The following ADORA2B variants were observed in gnomAD, a reference collection of about 807,000 sequenced individuals.
ADORA2B encodes the protein adenosine receptor A2b.
ADORA2B carries 18 observed loss-of-function variants against 20.8 expected under a neutral mutation model. The ratio of observed to expected loss-of-function variants is 0.87; its 90% CI spans 0.60 to 1.29. The LOEUF (loss-of-function observed/expected upper bound fraction) is 1.29, where lower values mean the gene tolerates loss of function less well. ADORA2B is among the 50% of genes most tolerant of loss of function. The probability of loss-of-function intolerance (pLI) is 0.00; values close to 1 mark genes in which losing one functional copy is unlikely to be tolerated. For missense variants in ADORA2B, 441 were observed against 422.7 expected (o/e 1.04, Z -0.38); for synonymous variants, 179 against 178.3 (o/e 1.00, Z -0.03).
intron 1 of ADORA2B, among the ~76,000 whole-genome samples, chr17:15,961,251 G>T (rs1310692017): frequency 5.9e-5 from 9 of 151,528 alleles, no homozygotes; most frequent in Non-Finnish European, 1.3e-4. Flanking sequence ...ACTTCAGCCT[G>T]GGCAACAGAG....
At chr17:15,958,973 G>T (rs1382526488) in intron 1 of ADORA2B, among the ~76,000 whole-genome samples, 6 of 152,150 alleles carry the variant, frequency 3.9e-5, no homozygotes, top group Non-Finnish European at 8.8e-5. Flanking sequence ...CAGTATACAT[G>T]TGCATGCAAA....
chr17:15,940,873 G>A (rs1482193267), upstream of ADORA2B, among the ~76,000 whole-genome samples: 1 of 152,232 alleles, frequency 6.6e-6, no homozygotes, highest in Non-Finnish European at 1.5e-5. Flanking sequence ...GAGGTTGCAT[G>A]AGCAAGCAAT....
At chr17:15,855,562 C>T in the ADORA2B span, among the ~76,000 whole-genome samples, 5 of 151,354 alleles carry the variant, frequency 3.3e-5, no homozygotes, top group South Asian at 1.1e-3. Flanking sequence ...ATCACTCTCA[C>T]CTGCATTCTG....
At chr17:15,909,152 C>T in the ADORA2B span, among the ~76,000 whole-genome samples, 1 of 151,900 alleles carries the variant, frequency 6.6e-6, no homozygotes, top group Admixed American at 6.6e-5. Context: ...CAAGCCACTG[C>T]ACTCCAGCCT....
intron 1 of ADORA2B, among the ~76,000 whole-genome samples, chr17:15,954,697 G>T (rs958139120): frequency 3.3e-5 from 5 of 152,206 alleles, no homozygotes; most frequent in African/African-American, 1.2e-4. Flanking sequence ...AGCCCAGGAG[G>T]TTGAGGCTGC....
the ADORA2B span, among the ~76,000 whole-genome samples, chr17:15,939,276 TG>T: frequency 1.3e-5 from 2 of 152,000 alleles, no homozygotes; most frequent in African/African-American, 4.8e-5. Context: ...CTCCTGACCT[TG>T]TGATCCTCCC....
the ADORA2B span, chr17:15,850,731 T>G: frequency 1.8e-5 from 3 of 164,054 alleles, no homozygotes; most frequent in Non-Finnish European, 4.4e-5. Context: ...CTAGATGTTT[T>G]TCTTTATACA....
chr17:15,921,089 C>A, the ADORA2B span, among the ~76,000 whole-genome samples: 23 of 152,224 alleles, frequency 1.5e-4, no homozygotes, highest in Admixed American at 1.5e-3. Context: ...CAGTGGGGCA[C>A]CCGTGTGAGT....
the ADORA2B span, among the ~76,000 whole-genome samples, chr17:15,903,740 G>A: frequency 6.6e-6 from 1 of 152,154 alleles, no homozygotes; most frequent in African/African-American, 2.4e-5. Context: ...GGTGGTTTTA[G>A]TTGTGAAAAG....
At chr17:15,971,629 A>ATT (rs34445090) in intron 1 of ADORA2B, among the ~76,000 whole-genome samples, 2,837 of 127,904 alleles carry the variant, frequency 0.022, 140 homozygotes, top group African/African-American at 0.066. Flanking sequence ...TGTAATGGCC[A>ATT]TTTTTTTTTT....
intron 1 of ADORA2B, among the ~76,000 whole-genome samples, chr17:15,967,422 G>A (rs1461919360): frequency 2.0e-5 from 3 of 152,068 alleles, no homozygotes; most frequent in African/African-American, 7.2e-5. Flanking sequence ...TAGTGGAGAC[G>A]GCTTCACCAC....
At chr17:15,853,432 A>C in the ADORA2B span, among the ~76,000 whole-genome samples, 12 of 152,410 alleles carry the variant, frequency 7.9e-5, 1 homozygote, top group South Asian at 2.5e-3. Flanking sequence ...CAAGGCTGAT[A>C]TAAAGAAAAG....
At chr17:15,889,138 G>T in the ADORA2B span, among the ~76,000 whole-genome samples, 2 of 124,730 alleles carry the variant, frequency 1.6e-5, 1 homozygote, top group South Asian at 4.8e-4. Flanking sequence ...AAAGTGCTGG[G>T]ATTACAGGCA....
the ADORA2B span, among the ~76,000 whole-genome samples, chr17:15,884,648 C>G: frequency 1.3e-5 from 2 of 152,174 alleles, no homozygotes; most frequent in African/African-American, 4.8e-5. Context: ...TCAACTCCCA[C>G]TTATAAGTGA....
chr17:15,923,485 A>G, the ADORA2B span, among the ~76,000 whole-genome samples: 5,841 of 150,464 alleles, frequency 0.039, 403 homozygotes, highest in African/African-American at 0.13. Context: ...GCTCACTGCA[A>G]CCTCCGCCTG....
At chr17:15,961,792 T>TATAACAGACCCACTCTCAAG (rs1057017158) in intron 1 of ADORA2B, among the ~76,000 whole-genome samples, 2 of 152,280 alleles carry the variant, frequency 1.3e-5, no homozygotes, top group Admixed American at 1.3e-4. Context: ...CACTTGCATT[T>TATAACAGACCCACTCTCAAG]ATAACAGACC....
chr17:15,935,179 T>A, the ADORA2B span, among the ~76,000 whole-genome samples: 14 of 152,208 alleles, frequency 9.2e-5, no homozygotes, highest in Non-Finnish European at 2.1e-4. Flanking sequence ...TATTTCTTCA[T>A]GCATATTGAG....
At chr17:15,923,012 T>C in the ADORA2B span, among the ~76,000 whole-genome samples, 10 of 152,176 alleles carry the variant, frequency 6.6e-5, no homozygotes, top group East Asian at 1.9e-3. Flanking sequence ...TATTTCTTTT[T>C]CTTTTTCTTT....
chr17:15,945,911 G>A (rs1455064592), intron 1 of ADORA2B, among the ~76,000 whole-genome samples: 3 of 149,458 alleles, frequency 2.0e-5, no homozygotes. Flanking sequence ...CGTCACCCCC[G>A]TGGGCGGGTG....
Sources: allele counts gnomAD v4.1 joint callset (sites outside exome capture counted in the v4.1 genomes callset), GRCh38; gene constraint gnomAD v4.1.1; transcripts MANE v1.5; gene names NCBI Gene and HGNC (gene_info 2026-07-23, HGNC 2026-07-21).